ALOX5AP: variants seen among roughly 807,000 people sequenced by gnomAD.
ALOX5AP encodes the protein arachidonate 5-lipoxygenase activating protein, also known as arachidonate 5-lipoxygenase-activating protein.
A neutral mutation model predicts 18.5 loss-of-function variants in ALOX5AP; 9 were observed. The observed-to-expected ratio is 0.49, with a 90% CI of 0.29 to 0.85. The LOEUF (loss-of-function observed/expected upper bound fraction) is 0.85, where lower values mean the gene tolerates loss of function less well. Among genes scored for constraint, ALOX5AP ranks in the 40% least tolerant of loss-of-function variants. The pLI is 0.08. For missense variants in ALOX5AP, 172 were observed against 202.5 expected (o/e 0.85, Z 0.91); for synonymous variants, 81 against 78.6 (o/e 1.03, Z -0.16).
At position 30,764,035 on chromosome 13, in the gene ALOX5AP, T is replaced by C; in HGVS notation, c.415T>C (p.Phe139Leu). ...ATTCAACTATTACCTCATCTTCTTTTTCGGAAGTGACTTTGAAAACTACAT... is the reference window on the plus strand; with the variant it reads ...ATTCAACTATTACCTCATCTTCTTTCTCGGAAGTGACTTTGAAAACTACAT... ...GIFNYYLIFF[F>L]GSDFENYIKT... Residue 139 changes from phenylalanine to leucine, a missense_variant, in exon 5 of 5, where the codon TTC becomes CTC. Transcript: ENST00000380490. 6.2e-7 allele frequency: 1 copy of C among 1,614,214 alleles called. No homozygotes were observed. Among genetic ancestry groups the C allele is most frequent in the Non-Finnish European group, 8.5e-7 (1 of 1,180,036 alleles).
At chr13:30,752,542 G>A (rs935869700) in intron 3 of ALOX5AP, among the ~76,000 whole-genome samples, 1 of 152,208 alleles carries the variant, frequency 6.6e-6, no homozygotes, top group African/African-American at 2.4e-5. Flanking sequence ...ACTGAGCCAC[G>A]GGCTGGATGC....
At chr13:30,741,351 TTAAG>T (rs1204371765) in intron 1 of ALOX5AP, among the ~76,000 whole-genome samples, 3 of 151,358 alleles carry the variant, frequency 2.0e-5, no homozygotes, top group African/African-American at 7.3e-5. Context: ...TCCATATACT[TTAAG>T]TAACCTCTAG....
intron 4 of ALOX5AP, among the ~76,000 whole-genome samples, 174 bp from the exon 5 acceptor site, chr13:30,763,770 T>C (rs1951965737): frequency 6.6e-6 from 1 of 152,148 alleles, no homozygotes; most frequent in South Asian, 2.1e-4. Flanking sequence ...CAATGACTAG[T>C]AATAGCTGAG....
chr13:30,737,512 G>A (rs1437506787), intron 1 of ALOX5AP, among the ~76,000 whole-genome samples: 2 of 152,212 alleles, frequency 1.3e-5, no homozygotes, highest in South Asian at 2.1e-4. Flanking sequence ...TCTGAGTCCT[G>A]ACAGCCACAA....
At chr13:30,716,468 A>G (rs1396665184) in intron 1 of ALOX5AP, among the ~76,000 whole-genome samples, 1 of 152,262 alleles carries the variant, frequency 6.6e-6, no homozygotes, top group Non-Finnish European at 1.5e-5. Flanking sequence ...CTGTAGAATC[A>G]GAATCTGCAT....
intron 4 of ALOX5AP, among the ~76,000 whole-genome samples, chr13:30,759,749 G>T (rs572233127): frequency 6.6e-6 from 1 of 152,128 alleles, no homozygotes; most frequent in Non-Finnish European, 1.5e-5. Context: ...CTTTTGGAAG[G>T]CCGGGGAGCA....
chr13:30,732,342 C>T (rs188783162), upstream of ALOX5AP, among the ~76,000 whole-genome samples: 88 of 152,254 alleles, frequency 5.8e-4, 1 homozygote, highest in East Asian at 0.014. Flanking sequence ...ACGTTGGTCC[C>T]CGTGGGTGCT....
At chr13:30,733,891 T>C (rs528414957), upstream of ALOX5AP, among the ~76,000 whole-genome samples, 6 of 150,408 alleles carry the variant, frequency 4.0e-5, no homozygotes, top group South Asian at 8.4e-4. Flanking sequence ...CATCTTCTCC[T>C]GCCCTTGGAC....
intron 1 of ALOX5AP, among the ~76,000 whole-genome samples, chr13:30,740,453 T>C (rs904610802): frequency 1.3e-5 from 2 of 152,210 alleles, no homozygotes; most frequent in Non-Finnish European, 2.9e-5. Flanking sequence ...TGCAGCCATC[T>C]CTCTATCTGT....
chr13:30,734,376 C>A (rs560876597), upstream of ALOX5AP, among the ~76,000 whole-genome samples: 98 of 152,334 alleles, frequency 6.4e-4, no homozygotes, highest in Non-Finnish European at 1.3e-3. Flanking sequence ...CTCTTCCGTG[C>A]CGAGATGCAG....
chr13:30,713,925 T>C, intron 1 of ALOX5AP: 1 of 1,434,210 alleles, frequency 7.0e-7, no homozygotes. Flanking sequence ...CCCAGGGCCA[T>C]GTTCGGTGGT....
At chr13:30,727,060 C>T in intron 1 of ALOX5AP, among the ~76,000 whole-genome samples, 1 of 141,794 alleles carries the variant, frequency 7.1e-6, no homozygotes, top group African/African-American at 2.6e-5. Context: ...ATGATTTTGC[C>T]TTTTTTTTTT....
chr13:30,741,114 T>C (rs1158922871), intron 1 of ALOX5AP, among the ~76,000 whole-genome samples: 13 of 43,978 alleles, frequency 3.0e-4, no homozygotes, highest in African/African-American at 1.1e-3. Context: ...TTTTTTTTTT[T>C]TTTTTTTTTT....
At chr13:30,717,196 C>T (rs1951557045) in intron 1 of ALOX5AP, among the ~76,000 whole-genome samples, 1 of 152,262 alleles carries the variant, frequency 6.6e-6, no homozygotes, top group Admixed American at 6.5e-5. Flanking sequence ...GAGATCACCT[C>T]TCAGAAGCTG....
At chr13:30,730,306 T>C (rs116038927) in intron 1 of ALOX5AP, among the ~76,000 whole-genome samples, 183 of 152,326 alleles carry the variant, frequency 1.2e-3, no homozygotes, top group African/African-American at 3.8e-3. Context: ...GCCCACCTGA[T>C]TGTGGCCAGG....
At chr13:30,720,142 G>A (rs964275679) in intron 1 of ALOX5AP, among the ~76,000 whole-genome samples, 3 of 152,218 alleles carry the variant, frequency 2.0e-5, no homozygotes, top group Non-Finnish European at 2.9e-5. Flanking sequence ...TTACAGGCGT[G>A]AGCCACCGCG....
At chr13:30,726,351 G>A (rs1303324682) in intron 1 of ALOX5AP, among the ~76,000 whole-genome samples, 1 of 152,202 alleles carries the variant, frequency 6.6e-6, no homozygotes, top group Non-Finnish European at 1.5e-5. Flanking sequence ...AATAGAAAGT[G>A]ACACCAACCT....
intron 4 of ALOX5AP, among the ~76,000 whole-genome samples, chr13:30,760,252 G>A (rs914722596): frequency 2.6e-5 from 4 of 151,120 alleles, no homozygotes; most frequent in African/African-American, 9.7e-5. Flanking sequence ...AGAACCTGGG[G>A]TGGGAAGTGG....
At chr13:30,730,722 G>A (rs905483822), upstream of ALOX5AP, among the ~76,000 whole-genome samples, 1 of 152,184 alleles carries the variant, frequency 6.6e-6, no homozygotes, top group African/African-American at 2.4e-5. Flanking sequence ...TAGTGGCCCC[G>A]TTGCCATGGC....
Sources: gnomAD v4.1 joint callset for allele counts (sites outside exome capture counted in the v4.1 genomes callset) on GRCh38, gnomAD v4.1.1 for gene constraint, MANE v1.5 for transcripts, NCBI Gene and HGNC (gene_info 2026-07-23, HGNC 2026-07-21) for gene names.